The following MBOAT2 variants were observed in gnomAD, a reference collection of about 807,000 sequenced individuals.
MBOAT2 encodes membrane bound glycerophospholipid O-acyltransferase 2, also known as membrane-bound glycerophospholipid O-acyltransferase 2.
In MBOAT2, 28 loss-of-function variants were observed where a neutral mutation model predicts 63.4. The ratio of observed to expected loss-of-function variants is 0.44; its 90% CI spans 0.33 to 0.61. The LOEUF (loss-of-function observed/expected upper bound fraction) is 0.61, where lower values mean the gene tolerates loss of function less well. Ranked by LOEUF, MBOAT2 falls within the 20% of genes least tolerant of loss-of-function variation. The pLI, the probability that MBOAT2 is intolerant of heterozygous loss-of-function variation, is 0.03. For missense variants in MBOAT2, 470 were observed against 605.8 expected, an observed-to-expected ratio of 0.78 and a Z score of 2.35; for synonymous variants, 211 against 215.6, an observed-to-expected ratio of 0.98 and a Z score of 0.19.
rs1453873891 is a variant in MBOAT2, at chr2:8,858,673, T to C, written c.*6A>G. The stretch of plus-strand genomic sequence containing the variant: ...AAAAAAAAAACAGCCCTCAGAGCCT[T>C]CCCGATCACTGCTTTAGTGATGAAT... On this transcript the variant is annotated 3_prime_UTR_variant, in exon 13 of 13. Transcript: ENST00000305997. 3.1e-6 allele frequency: 5 copies of C among 1,597,272 alleles called. No individual in the cohort carries two copies. Among genetic ancestry groups the C allele is most frequent in the Middle Eastern group, 1.7e-4 (1 of 6,010 alleles).
At chr2:8,868,218 C>T (rs1233024057) in intron 9 of MBOAT2, among the ~76,000 whole-genome samples, 1 of 152,154 alleles carries the variant, frequency 6.6e-6, no homozygotes, top group African/African-American at 2.4e-5. Flanking sequence ...ATTCTGTAAC[C>T]TCTAGGAAAC....
intron 2 of MBOAT2, among the ~76,000 whole-genome samples, chr2:8,957,092 TAA>T (rs1669281123): frequency 6.6e-6 from 1 of 152,204 alleles, no homozygotes; most frequent in African/African-American, 2.4e-5. Context: ...GGATATACTT[TAA>T]AATACTCTAC....
intron 8 of MBOAT2, among the ~76,000 whole-genome samples, chr2:8,868,960 T>C (rs1484843662): frequency 1.3e-5 from 2 of 152,220 alleles, no homozygotes; most frequent in Non-Finnish European, 2.9e-5. Context: ...AAGTGTCCTA[T>C]AAACAATAAT....
intron 5 of MBOAT2, among the ~76,000 whole-genome samples, chr2:8,883,386 C>T (rs1167908566): frequency 6.6e-6 from 1 of 152,006 alleles, no homozygotes; most frequent in Non-Finnish European, 1.5e-5. Context: ...ATTAAAAGAG[C>T]AAGATGCCAT....
At chr2:8,897,900 T>C (rs778220247) in intron 4 of MBOAT2, among the ~76,000 whole-genome samples, 13 of 152,292 alleles carry the variant, frequency 8.5e-5, no homozygotes, top group East Asian at 5.8e-4. Flanking sequence ...AAGTAGGCAA[T>C]TGTCTGATAG....
At chr2:8,951,240 T>C (rs921811174) in intron 2 of MBOAT2, among the ~76,000 whole-genome samples, 15 of 151,476 alleles carry the variant, frequency 9.9e-5, no homozygotes, top group Non-Finnish European at 2.2e-4. Flanking sequence ...AGTCTCACTC[T>C]GTCAGCCAGG....
At chr2:8,930,522 T>C (rs1485467503) in intron 3 of MBOAT2, among the ~76,000 whole-genome samples, 1 of 152,138 alleles carries the variant, frequency 6.6e-6, no homozygotes, top group Non-Finnish European at 1.5e-5. Context: ...CTATTGTGAA[T>C]AGTGCCACAA....
At chr2:8,883,991 G>T (rs907895153) in intron 5 of MBOAT2, among the ~76,000 whole-genome samples, 1 of 151,552 alleles carries the variant, frequency 6.6e-6, no homozygotes, top group Non-Finnish European at 1.5e-5. Flanking sequence ...GGGAGGCCAA[G>T]GCGGGTGGAT....
intron 3 of MBOAT2, among the ~76,000 whole-genome samples, chr2:8,908,933 C>T (rs1363612001): frequency 6.6e-6 from 1 of 152,100 alleles, no homozygotes; most frequent in Non-Finnish European, 1.5e-5. Flanking sequence ...TCATTTTATT[C>T]ATTTCCTTCT....
intron 7 of MBOAT2, among the ~76,000 whole-genome samples, chr2:8,874,211 C>T (rs188072651): frequency 7.2e-5 from 11 of 152,300 alleles, no homozygotes; most frequent in Middle Eastern, 3.4e-3. Flanking sequence ...ATGCCGGATG[C>T]ACTGCACTTC....
intron 1 of MBOAT2, among the ~76,000 whole-genome samples, chr2:9,002,667 A>T (rs1672785366): frequency 6.6e-6 from 1 of 151,720 alleles, no homozygotes; most frequent in Non-Finnish European, 1.5e-5. Context: ...GTCACAACAA[A>T]ATACTTCCAA....
In MBOAT2 at chr2:8,932,961, A is replaced by G. The variant is rs551980139; in HGVS notation, c.299+10226T>C. Among the ~76,000 whole-genome samples, 362 of 152,352 alleles carry G rather than the reference A, an allele frequency of 2.4e-3. 2 individuals are homozygous for G. The highest frequency in any genetic ancestry group is 3.6e-3 in the Non-Finnish European group (242 of 68,016). On this transcript the variant is annotated intron_variant, in intron 3 of 12. Coordinates refer to ENST00000305997, the MANE Select transcript of MBOAT2 (RefSeq NM_138799.4). ...TAATTTAGCAAGTCCCAACTGTCTA[A>G]GACAATTTCCTCATTTACTAACCAA...
chr2:8,960,047 T>G (rs753348917), intron 1 of MBOAT2, among the ~76,000 whole-genome samples: 6 of 152,224 alleles, frequency 3.9e-5, no homozygotes, highest in Non-Finnish European at 8.8e-5. Flanking sequence ...TGTTGTACAC[T>G]GTCTAAGAAA....
At chr2:8,887,097 C>T (rs922427114) in intron 5 of MBOAT2, among the ~76,000 whole-genome samples, 3 of 152,282 alleles carry the variant, frequency 2.0e-5, no homozygotes, top group East Asian at 3.9e-4. Context: ...CGTACATCTG[C>T]CCATCCATCA....
rs540558493 is a variant in MBOAT2 at position 8,869,655 on chromosome 2, C to T, written c.884-1106G>A. 6.6e-5 allele frequency among the ~76,000 whole-genome samples: 10 copies of T among 152,250 alleles called. No individual in the cohort carries two copies. The East Asian group carries it at 1.9e-3, about 29-fold the overall frequency. The stretch of plus-strand genomic sequence containing the variant: ...GGGAAAAGAATAAACAAGATTTACT[C>T]CTCTGTCAGGTTTAATGAGGTCAGC... On this transcript the variant is annotated intron_variant, in intron 8 of 12. Coordinates refer to ENST00000305997, the MANE Select transcript of MBOAT2 (RefSeq NM_138799.4).
rs78803947 is a variant in MBOAT2 at position 8,957,118 on chromosome 2, A to G, written c.221+1379T>C. ...AAAATACTCTACAAAAATAAGTTGG[A>G]GAAAGGATAAAACAAGAATGGTGGA... On this transcript the variant is annotated intron_variant, in intron 2 of 12. Coordinates refer to ENST00000305997, the MANE Select transcript of MBOAT2 (RefSeq NM_138799.4). Among the ~76,000 whole-genome samples, 378 of 152,368 alleles carry G rather than the reference A, an allele frequency of 2.5e-3. 8 individuals are homozygous for G. The East Asian group carries it at 0.058, about 23-fold the overall frequency.
At chr2:8,931,268 T>G (rs1163336592) in intron 3 of MBOAT2, among the ~76,000 whole-genome samples, 1 of 152,228 alleles carries the variant, frequency 6.6e-6, no homozygotes, top group Non-Finnish European at 1.5e-5. Context: ...TTTGCATTTC[T>G]CTAATGATCA....
intron 1 of MBOAT2, among the ~76,000 whole-genome samples, chr2:8,960,293 T>G (rs889412847): frequency 6.6e-6 from 1 of 152,218 alleles, no homozygotes; most frequent in African/African-American, 2.4e-5. Flanking sequence ...CCTAATTTAA[T>G]TATTATAACA....
At chr2:8,879,655 G>C (rs1432780376) in intron 6 of MBOAT2, among the ~76,000 whole-genome samples, 5 of 151,976 alleles carry the variant, frequency 3.3e-5, no homozygotes, top group African/African-American at 1.2e-4. Context: ...GCACCCCTAG[G>C]CGCTACCCAC....
Sources: allele counts gnomAD v4.1 joint callset (sites outside exome capture counted in the v4.1 genomes callset), GRCh38; gene constraint gnomAD v4.1.1; transcripts MANE v1.5; gene names NCBI Gene and HGNC (gene_info 2026-07-23, HGNC 2026-07-21).